Variants in HEPHL1 observed in about 807,000 individuals in gnomAD.
HEPHL1 encodes ferroxidase HEPHL1.
In HEPHL1, 123 loss-of-function variants were observed where a neutral mutation model predicts 122.0. The observed-to-expected ratio is 1.01, with a 90% confidence interval of 0.87 to 1.17. The LOEUF is 1.17. Among genes scored for constraint, HEPHL1 ranks in the 50% most tolerant of loss-of-function variants. The pLI is 0.00. For synonymous variants in HEPHL1, 527 were observed against 508.9 expected, an observed-to-expected ratio of 1.04 and a Z score of -0.48; for missense variants, 1,452 against 1,430.5, an observed-to-expected ratio of 1.01 and a Z score of -0.24.
At chr11:94,100,452 C>T (rs1460543399) in intron 13 of HEPHL1, among the ~76,000 whole-genome samples, 1 of 152,182 alleles carries the variant, frequency 6.6e-6, no homozygotes, top group Non-Finnish European at 1.5e-5. Context: ...GGTGTGGGCT[C>T]ATCTCCATTG....
intron 5 of HEPHL1, among the ~76,000 whole-genome samples, chr11:94,069,820 G>C (rs1195461521): frequency 6.6e-6 from 1 of 152,088 alleles, no homozygotes; most frequent in African/African-American, 2.4e-5. Context: ...CCTAGATTTA[G>C]AATTTCTGGG....
chr11:94,085,383 G>A (rs1452093937), intron 10 of HEPHL1, among the ~76,000 whole-genome samples: 4 of 152,162 alleles, frequency 2.6e-5, no homozygotes, highest in Non-Finnish European at 4.4e-5. Flanking sequence ...TTATCATAAA[G>A]CAAATTTATT....
chr11:94,080,604 G>A (rs2945640), intron 9 of HEPHL1, among the ~76,000 whole-genome samples: 84,269 of 151,416 alleles, frequency 0.56, 23,545 homozygotes, highest in Admixed American at 0.62. Flanking sequence ...TTTAAAAGAA[G>A]AAAAACTCAT....
At chr11:94,103,270 TC>T (rs1565363159) in intron 15 of HEPHL1, among the ~76,000 whole-genome samples, 2 of 98,452 alleles carry the variant, frequency 2.0e-5, no homozygotes, top group African/African-American at 4.3e-5. Flanking sequence ...ATTTTTTTTT[TC>T]CCAAAAAAAA....
intron 12 of HEPHL1, 80 bp downstream of exon 12, chr11:94,089,048 A>G (rs899985194): frequency 9.7e-5 from 123 of 1,272,796 alleles, no homozygotes; most frequent in Non-Finnish European, 1.3e-4. Flanking sequence ...GGCTCCCTGC[A>G]AATTCCCAGG....
intron 1 of HEPHL1, among the ~76,000 whole-genome samples, chr11:94,033,580 C>T (rs936448960): frequency 1.3e-5 from 2 of 152,122 alleles, no homozygotes; most frequent in African/African-American, 4.8e-5. Flanking sequence ...TAAGCAATTA[C>T]CACCAATTAG....
At position 94,100,324 on chromosome 11, in the gene HEPHL1, G is replaced by T. The variant is rs79131383; in HGVS notation, c.2435-871G>T. On this transcript the variant is annotated intron_variant, in intron 13 of 19. Coordinates refer to ENST00000315765, the MANE Select transcript of HEPHL1 (RefSeq NM_001098672.2). ...ACCAACTGTCAGTGTATCTCCCTGT[G>T]AATGTAGAATGCACCAGATACCCAA... Among the ~76,000 whole-genome samples, 618 of 152,320 alleles carry T rather than the reference G, an allele frequency of 4.1e-3. 5 individuals carry two copies. Among genetic ancestry groups the T allele is most frequent in the African/African-American group, 0.014 (585 of 41,562 alleles).
At chr11:94,046,107 T>TTTTTTC (rs1945835595) in intron 2 of HEPHL1, among the ~76,000 whole-genome samples, 190 bp downstream of exon 2, 1 of 132,790 alleles carries the variant, frequency 7.5e-6, no homozygotes, top group Admixed American at 7.9e-5. Context: ...TTTTTTTTTT[T>TTTTTTC]TTTTTGAGAG....
chr11:94,092,834 C>T (rs189670521), intron 12 of HEPHL1, among the ~76,000 whole-genome samples: 39 of 152,134 alleles, frequency 2.6e-4, no homozygotes, highest in Admixed American at 1.4e-3. Flanking sequence ...AATATTGTGA[C>T]CAGAGGTTTG....
intron 1 of HEPHL1, among the ~76,000 whole-genome samples, chr11:94,024,292 T>A (rs1302474610): frequency 6.6e-6 from 1 of 152,224 alleles, no homozygotes; most frequent in African/African-American, 2.4e-5. Context: ...ACATGTCATA[T>A]AATCTCTCTG....
intron 9 of HEPHL1, among the ~76,000 whole-genome samples, chr11:94,078,467 A>G (rs532161145): frequency 6.8e-6 from 1 of 146,558 alleles, no homozygotes; most frequent in East Asian, 2.0e-4. Flanking sequence ...ATATATATAT[A>G]TATATATATG....
At chr11:94,096,785 G>C (rs1425143941) in intron 13 of HEPHL1, among the ~76,000 whole-genome samples, 1 of 152,146 alleles carries the variant, frequency 6.6e-6, no homozygotes, top group Non-Finnish European at 1.5e-5. Context: ...ATTTCTTCTA[G>C]ATTTTCTAGT....
In HEPHL1 at chr11:94,045,788, T is replaced by C. The variant is rs1945829727; in HGVS notation, c.286T>C (p.Trp96Arg). 1 of 1,613,968 alleles carries C rather than the reference T, an allele frequency of 6.2e-7. No individual in the cohort carries two copies. The highest frequency in any genetic ancestry group is 8.5e-7 in the Non-Finnish European group (1 of 1,179,856). ...CTCCATAGAGATCCCCAAACCTCCC[T>C]GGCTTGGATTCCTGGGCCCCATCTT... ...TYSIEIPKPP[W>R]LGFLGPILRA... The change falls in exon 2 of 20, where the codon TGG (tryptophan) becomes CGG (arginine). Residue 96 changes from tryptophan (W) to arginine (R), a missense_variant. Coordinates refer to ENST00000315765, the MANE Select transcript of HEPHL1 (RefSeq NM_001098672.2).
chr11:94,102,995 AC>A lies in HEPHL1; in HGVS notation c.2658del (p.Tyr887IlefsTer4). 3 of 1,602,936 alleles carry A rather than the reference AC, an allele frequency of 1.9e-6. No homozygotes were observed. The highest frequency in any genetic ancestry group is 2.6e-6 in the Non-Finnish European group (3 of 1,169,866). On this transcript the variant is annotated frameshift_variant, in exon 15 of 20. Transcript: ENST00000315765. LOFTEE classifies it high-confidence loss of function. ...GATCCCAATTGTATTCCATGGGTTT[AC>A]TATTCAACAGTAAACTTTGTGAAGG... is the stretch of plus-strand genomic sequence containing the variant. ...PSDPNCIPWV[Y>X]YSTVNFVKDT...
chr11:94,075,065 AC>A, intron 8 of HEPHL1, 108 bp from the exon 9 acceptor site: 1 of 850,708 alleles, frequency 1.2e-6, no homozygotes, highest in South Asian at 1.6e-5. Context: ...CTCTCCTGGT[AC>A]AAAATTCTTC....
Position 94,112,405 on chromosome 11 carries a change from T to C in HEPHL1, c.*511T>C, listed in dbSNP as rs1565365490. The stretch of plus-strand genomic sequence containing the variant: ...GTTCTTGGCAATGTCTAAGTCAGTG[T>C]CTGCTGATAGAATTAGACCAAATAA... On this transcript the variant is annotated 3_prime_UTR_variant, in exon 20 of 20. Coordinates refer to ENST00000315765, the MANE Select transcript of HEPHL1 (RefSeq NM_001098672.2). The C allele has an allele frequency of 6.6e-6, 1 of 152,286 alleles. No homozygotes were observed. The highest frequency in any genetic ancestry group is 2.4e-5 in the African/African-American group (1 of 41,466). 9.4% of individuals were successfully genotyped at this position (152,286 alleles called of 1,614,324 possible). A position where few individuals can be genotyped will look rare whatever the true frequency, so the allele number is the denominator to read the frequency against.
At chr11:94,107,498 A>G (rs1946418242) in intron 17 of HEPHL1, among the ~76,000 whole-genome samples, 1 of 152,236 alleles carries the variant, frequency 6.6e-6, no homozygotes, top group South Asian at 2.1e-4. Flanking sequence ...AACGAACAAC[A>G]ATCACAATAT....
At chr11:94,082,291 G>T (rs181051173) in intron 9 of HEPHL1, 127 bp from the exon 10 acceptor site, 221 of 554,454 alleles carry the variant, frequency 4.0e-4, no homozygotes, top group African/African-American at 3.5e-3. Context: ...AAAATGACCT[G>T]CGAACTCTTG....
Position 94,087,199 on chromosome 11 carries a change from CT to C in HEPHL1, c.2080+1020del, listed in dbSNP as rs761028045. 9.3e-4 allele frequency among the ~76,000 whole-genome samples: 139 copies of C among 149,298 alleles called. 2 individuals are homozygous for C. Among genetic ancestry groups the C allele is most frequent in the African/African-American group, 2.9e-3 (118 of 40,762 alleles). On this transcript the variant is annotated intron_variant, in intron 11 of 19. Transcript: ENST00000315765. Reference sequence around the variant, plus strand: ...AAATCAAGAGATGCCTTGGACACAACTTTTTTTTTTAATACGCTCTTCAAGA... The same window carrying C: ...AAATCAAGAGATGCCTTGGACACAACTTTTTTTTTAATACGCTCTTCAAGA...
Sources: gnomAD v4.1 joint callset for allele counts (sites outside exome capture counted in the v4.1 genomes callset) on GRCh38, gnomAD v4.1.1 for gene constraint, MANE v1.5 for transcripts, NCBI Gene and HGNC (gene_info 2026-07-23, HGNC 2026-07-21) for gene names.